The following PCDHA3 variants were observed in gnomAD, a reference collection of about 807,000 sequenced individuals.
PCDHA3 encodes protocadherin alpha-3.
PCDHA3 carries 41 observed loss-of-function variants against 62.2 expected under a neutral mutation model. The observed-to-expected ratio is 0.66, with a 90% CI of 0.51 to 0.86. The LOEUF is 0.86. Among genes scored for constraint, PCDHA3 ranks in the 40% least tolerant of loss-of-function variants. The probability of loss-of-function intolerance (pLI) is 0.00; values close to 1 mark genes in which losing one functional copy is unlikely to be tolerated. For missense variants in PCDHA3, 1,304 were observed against 1,241.2 expected (o/e 1.05, Z -0.76); for synonymous variants, 640 against 555.4 (o/e 1.15, Z -2.14).
Position 140,830,193 on chromosome 5 carries a change from T to C in PCDHA3, c.2394+26602T>C, listed in dbSNP as rs1770885787. ...CTGGTGGATGTCAACGTGTACCTGA[T>C]CATCGCCATCTGCGCGGTATCCAGC... is the stretch of plus-strand genomic sequence containing the variant. On this transcript the variant is annotated intron_variant, in intron 1 of 3. Transcript: ENST00000522353. The C allele has an allele frequency of 2.5e-6, 4 of 1,613,664 alleles. No homozygotes were observed. In the African/African-American group the frequency reaches 5.3e-5, roughly 22 times the overall value.
At chr5:140,867,903 A>C (rs1010800579) in intron 1 of PCDHA3, 1 of 152,144 alleles carries the variant, frequency 6.6e-6, no homozygotes, top group Non-Finnish European at 1.5e-5. Flanking sequence ...TACTTACAGA[A>C]GGTATAATTA....
chr5:140,928,791 G>A, intron 1 of PCDHA3: 1 of 1,614,138 alleles, frequency 6.2e-7, no homozygotes, highest in South Asian at 1.1e-5. Flanking sequence ...TTAAGCAGAG[G>A]GTGGTGGTAG....
In PCDHA3 at chr5:140,975,255, C is replaced by A. The variant is rs530385456; in HGVS notation, c.2395-3694C>A. On this transcript the variant is annotated intron_variant, in intron 1 of 3. Transcript: ENST00000522353. ...ATGGAATCCCTCTTATGCTTCAGAT[C>A]TCTCTGATTTCTGTCTCTGACCTCT... Among the ~76,000 whole-genome samples, 6 of 152,334 alleles carry A rather than the reference C, an allele frequency of 3.9e-5. No individual in the cohort carries two copies. In the South Asian group the frequency reaches 1.2e-3, roughly 32 times the overall value.
At chr5:140,895,253 CT>C (rs1411327383) in intron 1 of PCDHA3, among the ~76,000 whole-genome samples, 2 of 151,968 alleles carry the variant, frequency 1.3e-5, no homozygotes, top group Non-Finnish European at 2.9e-5. Context: ...TCAAAGCTTT[CT>C]TTTTTTTCTT....
chr5:140,938,065 C>A (rs2091903151), intron 1 of PCDHA3, among the ~76,000 whole-genome samples: 1 of 152,094 alleles, frequency 6.6e-6, no homozygotes, highest in Admixed American at 6.5e-5. Context: ...TACTGTCATG[C>A]TATTCCCAAA....
intron 1 of PCDHA3, among the ~76,000 whole-genome samples, chr5:140,873,139 A>G (rs1325307438): frequency 6.6e-6 from 1 of 152,216 alleles, no homozygotes; most frequent in Non-Finnish European, 1.5e-5. Context: ...TCTATGCTGA[A>G]GCCTATTCAT....
In PCDHA3 at chr5:140,924,786, T is replaced by G. The variant is rs2082007959; in HGVS notation, c.2395-54163T>G. Reference sequence around the variant, plus strand: ...GGTGCGCGCTTGTAGTCCTAGCTACTTAGGAGGCTGAGGCAAGAGAATCGC... The same window carrying G: ...GGTGCGCGCTTGTAGTCCTAGCTACGTAGGAGGCTGAGGCAAGAGAATCGC... On this transcript the variant is annotated intron_variant, in intron 1 of 3. Coordinates refer to ENST00000522353, the MANE Select transcript of PCDHA3 (RefSeq NM_018906.3). Among the ~76,000 whole-genome samples the G allele has an allele frequency of 4.6e-5, 7 of 151,720 alleles. No homozygotes were observed. In the South Asian group the frequency reaches 1.2e-3, roughly 27 times the overall value.
At chr5:140,986,397 C>T (rs943993265) in intron 3 of PCDHA3, among the ~76,000 whole-genome samples, 8 of 152,280 alleles carry the variant, frequency 5.3e-5, no homozygotes, top group Admixed American at 3.9e-4. Flanking sequence ...AAGGGCCAGT[C>T]GCTCATGTTA....
At chr5:140,830,577 TTTAA>T (rs1269425554) in intron 1 of PCDHA3, 10 of 821,780 alleles carry the variant, frequency 1.2e-5, no homozygotes, top group Non-Finnish European at 1.7e-5. Flanking sequence ...GTTTTTAATT[TTTAA>T]TTAATTTTAC....
intron 1 of PCDHA3, chr5:140,841,440 A>C: frequency 6.2e-7 from 1 of 1,612,980 alleles, no homozygotes; most frequent in South Asian, 1.1e-5. Flanking sequence ...GAGGAGGCCA[A>C]ACACGGCACC....
Position 141,010,021 on chromosome 5 carries a change from T to C in PCDHA3, c.*84T>C. 1 of 1,572,108 alleles carries C rather than the reference T, an allele frequency of 6.4e-7. No individual in the cohort carries two copies. The highest frequency in any genetic ancestry group is 1.9e-5 in the Admixed American group (1 of 52,756). On this transcript the variant is annotated 3_prime_UTR_variant, in exon 4 of 4. Coordinates refer to ENST00000522353, the MANE Select transcript of PCDHA3 (RefSeq NM_018906.3). ...CATGTAGCAATTCCCTGCTCCTTTTTCCTATCTACATGAGCCCTCTTAGAG... is the reference window on the plus strand; with the variant it reads ...CATGTAGCAATTCCCTGCTCCTTTTCCCTATCTACATGAGCCCTCTTAGAG...
At chr5:140,822,542 G>C (rs2150117132) in intron 1 of PCDHA3, 132 of 1,613,806 alleles carry the variant, frequency 8.2e-5, no homozygotes, top group Middle Eastern at 6.6e-4. Context: ...AATGCACCAA[G>C]TGGGACATTA....
intron 1 of PCDHA3, among the ~76,000 whole-genome samples, chr5:140,947,497 T>A (rs1289449406): frequency 6.6e-6 from 1 of 151,724 alleles, no homozygotes; most frequent in Non-Finnish European, 1.5e-5. Flanking sequence ...ATAGGTCATT[T>A]AAATTTTCAT....
intron 1 of PCDHA3, chr5:140,822,945 C>T: frequency 6.2e-7 from 1 of 1,614,252 alleles, no homozygotes; most frequent in Non-Finnish European, 8.5e-7. Flanking sequence ...CCCTAATGCC[C>T]CACGTTCCCT....
At chr5:140,850,541 G>A (rs1554144490) in intron 1 of PCDHA3, 2 of 1,598,272 alleles carry the variant, frequency 1.3e-6, no homozygotes, top group Non-Finnish European at 1.7e-6. Flanking sequence ...CGTCGCGGGC[G>A]TCAGTGGGTG....
At chr5:140,940,705 C>T (rs2092669255) in intron 1 of PCDHA3, among the ~76,000 whole-genome samples, 1 of 152,170 alleles carries the variant, frequency 6.6e-6, no homozygotes, top group Non-Finnish European at 1.5e-5. Context: ...AAGTGTATAC[C>T]TGCTGTGTGC....
At chr5:141,008,582 G>A (rs1554261823) in intron 3 of PCDHA3, among the ~76,000 whole-genome samples, 1 of 152,130 alleles carries the variant, frequency 6.6e-6, no homozygotes. Context: ...CCAAGACTCA[G>A]GGCAGATTTC....
intron 1 of PCDHA3, chr5:140,834,658 G>T (rs1554134403): frequency 6.2e-7 from 1 of 1,614,242 alleles, no homozygotes; most frequent in South Asian, 1.1e-5. Context: ...CGGATCGACC[G>T]CGAGGAGCTG....
chr5:140,805,037 A>G, intron 1 of PCDHA3: 1 of 1,585,878 alleles, frequency 6.3e-7, no homozygotes, highest in South Asian at 1.1e-5. Flanking sequence ...TAATAGAGTC[A>G]GCCAAAGTAC....
Sources: gnomAD v4.1 joint callset for allele counts (sites outside exome capture counted in the v4.1 genomes callset) on GRCh38, gnomAD v4.1.1 for gene constraint, MANE v1.5 for transcripts, NCBI Gene and HGNC (gene_info 2026-07-23, HGNC 2026-07-21) for gene names.